EFNA4: variants seen among roughly 807,000 people sequenced by gnomAD.
The protein encoded by EFNA4 is ephrin A4, also known as ephrin-A4.
In EFNA4, 22 loss-of-function variants were observed where a neutral mutation model predicts 23.7. The observed-to-expected ratio is 0.93, with a 90% CI of 0.66 to 1.32. EFNA4 has a LOEUF of 1.32. Among genes scored for constraint, EFNA4 ranks in the 40% most tolerant of loss-of-function variants. EFNA4 has a pLI of 0.00. For synonymous variants in EFNA4, 113 were observed against 108.3 expected (o/e 1.04, Z -0.27); for missense variants, 252 against 252.3 (o/e 1.00, Z 0.01).
In EFNA4 at chr1:155,069,181, C is replaced by A. The variant is rs751395056; in HGVS notation, c.*192C>A. The A allele has an allele frequency of 5.0e-6, 8 of 1,600,670 alleles. No individual in the cohort carries two copies. Among genetic ancestry groups the A allele is most frequent in the Non-Finnish European group, 6.0e-6 (7 of 1,176,354 alleles). On this transcript the variant is annotated 3_prime_UTR_variant, in exon 4 of 4. Transcript: ENST00000368409. The stretch of plus-strand genomic sequence containing the variant: ...CCCCTCATCACAGGCTAAAGAAGAG[C>A]AGTAGACAGCCCTGGACACTCTGAA...
rs143886639 is a variant in EFNA4, at chr1:155,066,965, C to T, written c.349C>T (p.Pro117Ser). 1.2e-6 allele frequency: 2 copies of T among 1,613,978 alleles called. No individual in the cohort carries two copies. Among genetic ancestry groups the T allele is most frequent in the Non-Finnish European group, 1.7e-6 (2 of 1,179,964 alleles). ...QFSEKIQRFTPFSLGFEFLPG... is the reference protein window; with the variant it reads ...QFSEKIQRFTSFSLGFEFLPG... ...CTCAGAGAAGATTCAGCGCTTCACA[C>T]CCTTCTCCCTCGGCTTTGAGTTCTT... Residue 117 changes from proline to serine, a missense_variant, in exon 2 of 4, where the codon CCC becomes TCC. Transcript: ENST00000368409.
chr1:155,067,420 C>T lies in EFNA4; in HGVS notation c.449C>T (p.Ser150Phe). The change falls in exon 3 of 4, where the codon TCT (serine) becomes TTT (phenylalanine). Residue 150 changes from serine (S) to phenylalanine (F), a missense_variant. Physicochemically the swap from Ser to Phe is radical, Grantham distance 155. Transcript: ENST00000368409. ...GGCCAGTGCTTGAGGCTCCAGGTGT[C>T]TGTCTGCTGCAAGGAGAGGAGTAAG... is the stretch of plus-strand genomic sequence containing the variant. ...SSGQCLRLQV[S>F]VCCKERKSES... 6.2e-7 allele frequency: 1 copy of T among 1,614,176 alleles called. No individual in the cohort carries two copies. Among genetic ancestry groups the T allele is most frequent in the East Asian group, 2.2e-5 (1 of 44,882 alleles).
chr1:155,064,085 G>A (rs1482350002), intron 1 of EFNA4, 149 bp downstream of exon 1: 2 of 594,374 alleles, frequency 3.4e-6, no homozygotes, highest in South Asian at 2.4e-5. Flanking sequence ...AGGGGGGAGG[G>A]GCGAGGGGCG....
intron 2 of EFNA4, 132 bp from the exon 3 acceptor site, chr1:155,067,240 G>T: frequency 8.9e-7 from 1 of 1,125,824 alleles, no homozygotes; most frequent in Non-Finnish European, 1.3e-6. Flanking sequence ...TGATACATGG[G>T]TGTGGCCCCA....
Position 155,066,965 on chromosome 1 carries a change from C to A in EFNA4, c.349C>A (p.Pro117Thr), listed in dbSNP as rs143886639. The change falls in exon 2 of 4, where the codon CCC (proline) becomes ACC (threonine). Residue 117 changes from proline (P) to threonine (T), a missense_variant. By Grantham distance (38) the Pro-to-Thr change is conservative. Transcript: ENST00000368409. The stretch of plus-strand genomic sequence containing the variant: ...CTCAGAGAAGATTCAGCGCTTCACA[C>A]CCTTCTCCCTCGGCTTTGAGTTCTT... Reference protein sequence around the residue: ...QFSEKIQRFTPFSLGFEFLPG... With the variant: ...QFSEKIQRFTTFSLGFEFLPG... 9.0e-4 allele frequency: 1,451 copies of A among 1,613,978 alleles called. 1 individual carries two copies. Among genetic ancestry groups the A allele is most frequent in the Non-Finnish European group, 8.8e-4 (1,040 of 1,179,964 alleles).
intron 1 of EFNA4, 68 bp from the exon 2 acceptor site, chr1:155,066,662 T>A: frequency 6.6e-7 from 1 of 1,504,644 alleles, no homozygotes; most frequent in Non-Finnish European, 8.9e-7. Context: ...AGAAGGGGTG[T>A]CTCTGGCATC....
intron 1 of EFNA4, among the ~76,000 whole-genome samples, chr1:155,065,223 AG>A (rs1662981651): frequency 6.6e-6 from 1 of 152,230 alleles, no homozygotes; most frequent in South Asian, 2.1e-4. Context: ...GGCTGAGCCC[AG>A]GAATCTTCAT....
At chr1:155,066,636 C>T in intron 1 of EFNA4, 94 bp from the exon 2 acceptor site, 1 of 1,447,700 alleles carries the variant, frequency 6.9e-7, no homozygotes, top group Admixed American at 2.5e-5. Flanking sequence ...GGAGGAGAGG[C>T]TGGCAGGGGC....
At chr1:155,067,089 AG>A in intron 2 of EFNA4, 73 bp downstream of exon 2, 2 of 1,514,542 alleles carry the variant, frequency 1.3e-6, no homozygotes, top group Non-Finnish European at 8.9e-7. Context: ...GAGGCCTGGA[AG>A]GAGGAGGGGG....
rs1663127195 is a variant in EFNA4 at position 155,069,334 on chromosome 1, G to A, written c.*345G>A. The A allele has an allele frequency of 1.3e-6, 1 of 776,878 alleles. No homozygotes were observed. Among genetic ancestry groups the A allele is most frequent in the Admixed American group, 3.6e-5 (1 of 27,956 alleles). 48.1% of individuals were successfully genotyped at this position (776,878 alleles called of 1,614,324 possible). A position where few individuals can be genotyped will look rare whatever the true frequency, so the allele number is the denominator to read the frequency against. ...TGGGGGCCCAGGCTGAAGACCTGGGGACAGGTCGATTGCTGGACCAGGGCA... is the reference window on the plus strand; with the variant it reads ...TGGGGGCCCAGGCTGAAGACCTGGGAACAGGTCGATTGCTGGACCAGGGCA... On this transcript the variant is annotated 3_prime_UTR_variant, in exon 4 of 4. Transcript: ENST00000368409.
chr1:155,065,259 G>A (rs764140267), intron 1 of EFNA4, among the ~76,000 whole-genome samples: 15 of 152,198 alleles, frequency 9.9e-5, no homozygotes, highest in South Asian at 2.1e-4. Context: ...GATACAGGTC[G>A]TCCTTGGACC....
Position 155,069,281 on chromosome 1 carries a change from T to G in EFNA4, c.*292T>G. 1 of 1,303,884 alleles carries G rather than the reference T, an allele frequency of 7.7e-7. No homozygotes were observed. The highest frequency in any genetic ancestry group is 1.0e-6 in the Non-Finnish European group (1 of 973,294). The allele number at this position is 1,303,884 out of a possible 1,614,324, so 80.8% of individuals were successfully genotyped here. A position where few individuals can be genotyped will look rare whatever the true frequency, so the allele number is the denominator to read the frequency against. Reference sequence around the variant, plus strand: ...AGCCCATCCCCCAGGAGGACTGGGATTTGGTATGATCAAATCCTCAAGCCA... The same window carrying G: ...AGCCCATCCCCCAGGAGGACTGGGAGTTGGTATGATCAAATCCTCAAGCCA... On this transcript the variant is annotated 3_prime_UTR_variant, in exon 4 of 4. Transcript: ENST00000368409.
At position 155,066,946 on chromosome 1, in the gene EFNA4, G is replaced by A; in HGVS notation, c.330G>A (p.Glu110=). The A allele has an allele frequency of 6.2e-7, 1 of 1,614,134 alleles. No homozygotes were observed. Among genetic ancestry groups the A allele is most frequent in the Non-Finnish European group, 8.5e-7 (1 of 1,180,026 alleles). ...CCTTTGGCCATGTTCAATTCTCAGA[G>A]AAGATTCAGCGCTTCACACCCTTCT... ...SLPFGHVQFS[E]KIQRFTPFSL... The change falls in exon 2 of 4, where the codon GAG becomes GAA. Residue 110 remains glutamate, a synonymous_variant. Coordinates refer to ENST00000368409, the MANE Select transcript of EFNA4 (RefSeq NM_005227.3).
In EFNA4 at chr1:155,069,483, C is replaced by T. The variant is rs1455222047; in HGVS notation, c.*494C>T. 1.2e-5 allele frequency: 4 copies of T among 335,236 alleles called. No homozygotes were observed. The highest frequency in any genetic ancestry group is 2.2e-5 in the African/African-American group (1 of 46,166). The allele number at this position is 335,236 out of a possible 1,614,324, so 20.8% of individuals were successfully genotyped here. A position where few individuals can be genotyped will look rare whatever the true frequency, so the allele number is the denominator to read the frequency against. ...CTCTTCATGAGGTTGAATTTCATGCCAGTTTGTATTTTTATAAGTATCTAG... is the reference window on the plus strand; with the variant it reads ...CTCTTCATGAGGTTGAATTTCATGCTAGTTTGTATTTTTATAAGTATCTAG... On this transcript the variant is annotated 3_prime_UTR_variant, in exon 4 of 4. Coordinates refer to ENST00000368409, the MANE Select transcript of EFNA4 (RefSeq NM_005227.3).
At chr1:155,065,809 T>A (rs1455610418) in intron 1 of EFNA4, among the ~76,000 whole-genome samples, 1 of 151,986 alleles carries the variant, frequency 6.6e-6, no homozygotes, top group Non-Finnish European at 1.5e-5. Context: ...CTCGGCTCAC[T>A]GCAAGCTCCG....
intron 1 of EFNA4, 146 bp downstream of exon 1, chr1:155,064,082 A>T: frequency 7.3e-6 from 2 of 275,144 alleles, no homozygotes; most frequent in South Asian, 3.4e-5. Flanking sequence ...GGGAGGGGGG[A>T]GGGGCGAGGG....
At chr1:155,066,673 C>A in intron 1 of EFNA4, 57 bp from the exon 2 acceptor site, 1 of 1,513,170 alleles carries the variant, frequency 6.6e-7, no homozygotes, top group East Asian at 2.3e-5. Context: ...CTCTGGCATC[C>A]ATGGCCATGG....
Position 155,069,405 on chromosome 1 carries a change from G to A in EFNA4, c.*416G>A, listed in dbSNP as rs759728514. ...GTGCCCTGTGGGCCTTTTCCCTGGG[G>A]CAGCACCTTGCCCTCCCCAGGGGAT... On this transcript the variant is annotated 3_prime_UTR_variant, in exon 4 of 4. Coordinates refer to ENST00000368409, the MANE Select transcript of EFNA4 (RefSeq NM_005227.3). 3.1e-5 allele frequency: 16 copies of A among 511,576 alleles called. No homozygotes were observed. Among genetic ancestry groups the A allele is most frequent in the Non-Finnish European group, 5.1e-5 (15 of 295,206 alleles). The allele number at this position is 511,576 out of a possible 1,614,324, so 31.7% of individuals were successfully genotyped here.
chr1:155,067,235 C>A, intron 2 of EFNA4, 137 bp from the exon 3 acceptor site: 1 of 1,108,588 alleles, frequency 9.0e-7, no homozygotes, highest in Non-Finnish European at 1.3e-6. Flanking sequence ...GGGCCTGATA[C>A]ATGGGTGTGG....
Sources: allele counts gnomAD v4.1 joint callset (sites outside exome capture counted in the v4.1 genomes callset), GRCh38; gene constraint gnomAD v4.1.1; transcripts MANE v1.5; gene names NCBI Gene and HGNC (gene_info 2026-07-23, HGNC 2026-07-21).